The following PLXNA1 variants were observed in gnomAD, a reference collection of about 807,000 sequenced individuals.
PLXNA1 encodes plexin-A1.
Under a neutral mutation model 191.7 loss-of-function variants are expected in PLXNA1, and 77 were observed. The observed-to-expected ratio is 0.40, with a 90% CI of 0.33 to 0.49. The LOEUF is 0.49. Among genes scored for constraint, PLXNA1 ranks in the 20% least tolerant of loss-of-function variants. The pLI, the probability that PLXNA1 is intolerant of heterozygous loss-of-function variation, is 0.63. For missense variants in PLXNA1, 2,110 were observed against 2,660.2 expected, an observed-to-expected ratio of 0.79 and a Z score of 4.55; for synonymous variants, 1,137 against 1,156.4, an observed-to-expected ratio of 0.98 and a Z score of 0.34.
chr3:127,036,345 C>CG lies in PLXNA1; in HGVS notation c.*2331dup. ...CCCTTGTCCATGTGAGTAGCATGGGCGGGTGGTGGGGACGGCAGTGGTGAT... is the reference window on the plus strand; with the variant it reads ...CCCTTGTCCATGTGAGTAGCATGGGCGGGGTGGTGGGGACGGCAGTGGTGAT... On this transcript the variant is annotated 3_prime_UTR_variant, in exon 32 of 32. Coordinates refer to ENST00000393409, the MANE Select transcript of PLXNA1 (RefSeq NM_032242.4). The CG allele has an allele frequency of 6.5e-6, 1 of 152,762 alleles. No homozygotes were observed. The highest frequency in any genetic ancestry group is 1.5e-5 in the Non-Finnish European group (1 of 68,188). The allele number at this position is 152,762 out of a possible 1,614,324, so 9.5% of individuals were successfully genotyped here.
chr3:126,996,475 G>T (rs1576671925), intron 3 of PLXNA1, among the ~76,000 whole-genome samples: 1 of 152,234 alleles, frequency 6.6e-6, no homozygotes, highest in East Asian at 1.9e-4. Flanking sequence ...GCAGTTGGTG[G>T]CAGGTGCCCA....
chr3:127,024,564 T>C (rs1367286923), intron 23 of PLXNA1, among the ~76,000 whole-genome samples: 3 of 152,004 alleles, frequency 2.0e-5, no homozygotes, highest in African/African-American at 7.3e-5. Flanking sequence ...GTGCGGGCTG[T>C]GTGTTGGGGG....
rs2079116988 is a variant in PLXNA1, at chr3:127,015,230, G to A, written c.2924G>A (p.Gly975Glu). 1 of 1,613,504 alleles carries A rather than the reference G, an allele frequency of 6.2e-7. No homozygotes were observed. Among genetic ancestry groups the A allele is most frequent in the Admixed American group, 1.7e-5 (1 of 59,980 alleles). The change falls in exon 15 of 32, where the codon GGG becomes GAG. Residue 975 changes from glycine to glutamate, a missense_variant. This residue lies in a region of PLXNA1 where 644 missense variants were observed against 714.3 expected (regional missense o/e 0.90). Coordinates refer to ENST00000393409, the MANE Select transcript of PLXNA1 (RefSeq NM_032242.4). ...AGCCCCTCCCGTGGGCCTCTGTCAG[G>A]GGGCACCTGGATTGGCATCGAGGGA... ...RVSPSRGPLS[G>E]GTWIGIEGSH...
intron 21 of PLXNA1, among the ~76,000 whole-genome samples, chr3:127,021,382 G>A (rs2079151563): frequency 1.3e-5 from 2 of 152,192 alleles, no homozygotes; most frequent in Non-Finnish European, 2.9e-5. Context: ...CTGGGAGCCT[G>A]GTATCACTGG....
intron 3 of PLXNA1, among the ~76,000 whole-genome samples, chr3:127,001,863 C>G (rs1375640472): frequency 6.6e-6 from 1 of 152,244 alleles, no homozygotes; most frequent in African/African-American, 2.4e-5. Context: ...CACTGTGGCC[C>G]AGAGGCTGGT....
At position 126,989,452 on chromosome 3, in the gene PLXNA1, G is replaced by A. The variant is rs749748554; in HGVS notation, c.859G>A (p.Val287Met). The A allele has an allele frequency of 1.1e-5, 18 of 1,613,664 alleles. No homozygotes were observed. The highest frequency in any genetic ancestry group is 1.6e-4 in the Middle Eastern group (1 of 6,062). ...FFTSKIVRLC[V>M]DDPKFYSYVE... The stretch of plus-strand genomic sequence containing the variant: ...CACGTCCAAGATCGTGCGGCTCTGT[G>A]TGGACGACCCCAAATTCTACTCGTA... The change falls in exon 2 of 32, where the codon GTG becomes ATG. Residue 287 changes from valine (V) to methionine (M), a missense_variant. Coordinates refer to ENST00000393409, the MANE Select transcript of PLXNA1 (RefSeq NM_032242.4).
At chr3:127,017,176 G>C in intron 17 of PLXNA1, 139 bp downstream of exon 17, 1 of 984,346 alleles carries the variant, frequency 1.0e-6, no homozygotes, top group African/African-American at 1.6e-5. Context: ...TGTGCCTGGA[G>C]ACCCCTGGGG....
At chr3:126,991,983 G>T (rs1309774274) in intron 3 of PLXNA1, among the ~76,000 whole-genome samples, 2 of 152,284 alleles carry the variant, frequency 1.3e-5, no homozygotes, top group East Asian at 3.9e-4. Context: ...GCACTCTGCC[G>T]GGCCAGAGGC....
chr3:127,032,151 C>T (rs568598756), intron 29 of PLXNA1, among the ~76,000 whole-genome samples: 8 of 152,352 alleles, frequency 5.3e-5, no homozygotes, highest in African/African-American at 1.9e-4. Context: ...TGCGTTTGAG[C>T]ACGCCTATCT....
intron 1 of PLXNA1, among the ~76,000 whole-genome samples, chr3:126,986,548 G>T (rs1336814000): frequency 6.6e-6 from 1 of 152,156 alleles, no homozygotes; most frequent in Admixed American, 6.5e-5. Flanking sequence ...CTGGCCCTCC[G>T]CATACCCTTC....
At position 126,991,392 on chromosome 3, in the gene PLXNA1, G is replaced by T; in HGVS notation, c.1203G>T (p.Gln401His). ...CCTGCCCCTTCCCACAGCCCCTGCA[G>T]ATCGATGACGACTTCTGCGGGCAGG... is the stretch of plus-strand genomic sequence containing the variant. ...KELGCINSPL[Q>H]IDDDFCGQDF... The change falls in exon 3 of 32, where the codon CAG becomes CAT. Residue 401 changes from glutamine (Q) to histidine (H), a missense_variant. Physicochemically the swap from Gln to His is conservative, Grantham distance 24. Around this residue, in one of 4 missense-constraint regions of PLXNA1, gnomAD observed 903 missense variants for 1,015.7 expected, o/e 0.89. Coordinates refer to ENST00000393409, the MANE Select transcript of PLXNA1 (RefSeq NM_032242.4). The T allele has an allele frequency of 1.2e-6, 2 of 1,612,712 alleles. No individual in the cohort carries two copies. Among genetic ancestry groups the T allele is most frequent in the East Asian group, 4.5e-5 (2 of 44,888 alleles).
intron 26 of PLXNA1, 92 bp from the exon 27 acceptor site, chr3:127,029,348 G>C: frequency 8.4e-7 from 1 of 1,190,992 alleles, no homozygotes; most frequent in Non-Finnish European, 1.3e-6. Flanking sequence ...CACAGCACTA[G>C]GGTGTCACCG....
intron 31 of PLXNA1, 125 bp downstream of exon 31, chr3:127,032,961 C>G: frequency 1.0e-6 from 1 of 993,158 alleles, no homozygotes; most frequent in East Asian, 2.6e-5. Flanking sequence ...CACCTTCACT[C>G]CTCTGCACCC....
At chr3:126,992,322 C>T (rs1353937569) in intron 3 of PLXNA1, among the ~76,000 whole-genome samples, 1 of 152,060 alleles carries the variant, frequency 6.6e-6, no homozygotes, top group Non-Finnish European at 1.5e-5. Flanking sequence ...GATACTTGGA[C>T]ACCCCAGAGG....
In PLXNA1 at chr3:127,014,219, C is replaced by T. The variant is rs763418795; in HGVS notation, c.2448C>T (p.Cys816=). ...LYKCPALRES[C]GLCLKADPRF... ...AGTGCCCGGCCCTGCGCGAGAGCTG[C>T]GGCCTCTGCCTCAAGGCCGACCCGC... The change falls in exon 12 of 32, where the codon TGC becomes TGT. Residue 816 remains cysteine, a synonymous_variant. Transcript: ENST00000393409. The T allele has an allele frequency of 5.6e-6, 9 of 1,607,478 alleles. No homozygotes were observed. The highest frequency in any genetic ancestry group is 4.2e-6 in the Non-Finnish European group (5 of 1,176,826).
At position 127,027,920 on chromosome 3, in the gene PLXNA1, T is replaced by C. The variant is rs1230792084; in HGVS notation, c.4363-20T>C. On this transcript the variant is annotated intron_variant, in intron 23 of 31. Coordinates refer to ENST00000393409, the MANE Select transcript of PLXNA1 (RefSeq NM_032242.4). Reference sequence around the variant, plus strand: ...AGGCCCGGGGGTCCTGGCTGCAGCCTCATGCCGCCACCCCCGCAGGAGTGC... The same window carrying C: ...AGGCCCGGGGGTCCTGGCTGCAGCCCCATGCCGCCACCCCCGCAGGAGTGC... 1 of 1,612,526 alleles carries C rather than the reference T, an allele frequency of 6.2e-7. No individual in the cohort carries two copies. Among genetic ancestry groups the C allele is most frequent in the Non-Finnish European group, 8.5e-7 (1 of 1,179,768 alleles).
Position 127,004,618 on chromosome 3 carries a change from G to T in PLXNA1, c.1526G>T (p.Arg509Leu). The change falls in exon 5 of 32, where the codon CGG (arginine) becomes CTG (leucine). Residue 509 changes from arginine (R) to leucine (L), a missense_variant. Coordinates refer to ENST00000393409, the MANE Select transcript of PLXNA1 (RefSeq NM_032242.4). ...ACACCTCCCCCACACCAGGTGACGC[G>T]GGTGCCTGTGGAGAGCTGTGTGCAG... ...LYAMTEKQVT[R>L]VPVESCVQYT... 1 of 1,570,938 alleles carries T rather than the reference G, an allele frequency of 6.4e-7. No homozygotes were observed. Among genetic ancestry groups the T allele is most frequent in the Non-Finnish European group, 8.6e-7 (1 of 1,157,954 alleles).
At chr3:127,002,593 C>T (rs541920270) in intron 3 of PLXNA1, among the ~76,000 whole-genome samples, 24 of 152,358 alleles carry the variant, frequency 1.6e-4, no homozygotes, top group South Asian at 1.0e-3. Flanking sequence ...AAGCAGGCCA[C>T]AGCCCGCAGC....
intron 1 of PLXNA1, among the ~76,000 whole-genome samples, chr3:126,987,232 G>A (rs1378534622): frequency 6.6e-6 from 1 of 152,238 alleles, no homozygotes; most frequent in Admixed American, 6.5e-5. Flanking sequence ...TGCCTACAGA[G>A]TAACAGGGTC....
Sources: allele counts gnomAD v4.1 joint callset (sites outside exome capture counted in the v4.1 genomes callset), GRCh38; gene constraint gnomAD v4.1.1; regional missense constraint gnomAD v4.1.1; transcripts MANE v1.5; gene names NCBI Gene and HGNC (gene_info 2026-07-23, HGNC 2026-07-21).